Variants in ELP1 observed in about 807,000 individuals in gnomAD.
The protein encoded by ELP1 is elongator acetyltransferase complex subunit 1.
In ELP1, 131 loss-of-function variants were observed where a neutral mutation model predicts 183.2. That is an observed-to-expected ratio of 0.72 (90% CI 0.62 to 0.83). ELP1 has a LOEUF of 0.83. Ranked by LOEUF, ELP1 falls within the 40% of genes least tolerant of loss-of-function variation. ELP1 has a pLI of 0.00. For synonymous variants in ELP1, 555 were observed against 569.0 expected (o/e 0.98, Z 0.35); for missense variants, 1,550 against 1,594.9 (o/e 0.97, Z 0.48).
intron 2 of ELP1, among the ~76,000 whole-genome samples, chr9:108,930,497 T>C (rs1403792984): frequency 6.6e-6 from 1 of 152,066 alleles, no homozygotes; most frequent in African/African-American, 2.4e-5. Context: ...AAGACCATCC[T>C]GGCTAACACG....
rs1289268098 is a variant in ELP1 at position 108,878,610 on chromosome 9, A to C, written c.3700+13T>G. 1.9e-6 allele frequency: 3 copies of C among 1,614,012 alleles called. No individual in the cohort carries two copies. The highest frequency in any genetic ancestry group is 2.5e-6 in the Non-Finnish European group (3 of 1,180,030). Reference sequence around the variant, plus strand: ...TTTGTGGTCAGGAATCATCATCAGGACTGAGAATATACCTTTCAGGTTTTC... The same window carrying C: ...TTTGTGGTCAGGAATCATCATCAGGCCTGAGAATATACCTTTCAGGTTTTC... On this transcript the variant is annotated intron_variant, in intron 34 of 36. Transcript: ENST00000374647.
intron 14 of ELP1, 72 bp from the exon 15 acceptor site, chr9:108,903,741 G>T: frequency 9.1e-7 from 1 of 1,098,920 alleles, no homozygotes; most frequent in Non-Finnish European, 1.4e-6. Flanking sequence ...CACTGATTTT[G>T]AAAATCAACA....
Position 108,916,225 on chromosome 9 carries a change from T to G in ELP1, c.937A>C (p.Ser313Arg), listed in dbSNP as rs774610905. ...VWLEDLQREE[S>R]SIPKTCVQLW... ...TTACCACAGGTTTTCGGAATGGAGC[T>G]TTCTTCTCTCTGAAGGTCTTCCAGC... Residue 313 changes from serine (S) to arginine (R), a missense_variant, in exon 10 of 37, where the codon AGC becomes CGC. Transcript: ENST00000374647. 6.2e-7 allele frequency: 1 copy of G among 1,614,084 alleles called. No homozygotes were observed. The highest frequency in any genetic ancestry group is 1.1e-5 in the South Asian group (1 of 91,080).
chr9:108,912,773 GAC>G (rs1829280637), intron 10 of ELP1, among the ~76,000 whole-genome samples: 1 of 65,512 alleles, frequency 1.5e-5, no homozygotes, highest in Non-Finnish European at 2.9e-5. Flanking sequence ...TTTTTTTATT[GAC>G]ACAGAGTCTC....
At chr9:108,889,446 T>G (rs1828242614) in intron 28 of ELP1, 53 bp from the exon 29 acceptor site, 1 of 1,492,216 alleles carries the variant, frequency 6.7e-7, no homozygotes, top group Non-Finnish European at 9.4e-7. Flanking sequence ...ATACTTTAGC[T>G]CAAGTGCTTC....
intron 36 of ELP1, 44 bp from the exon 37 acceptor site, chr9:108,869,226 G>T: frequency 6.5e-7 from 1 of 1,535,792 alleles, no homozygotes; most frequent in Non-Finnish European, 9.0e-7. Flanking sequence ...ACATACTCTT[G>T]TTGGAGGGCG....
intron 12 of ELP1, 35 bp downstream of exon 12, chr9:108,910,975 A>G: frequency 6.2e-7 from 1 of 1,602,130 alleles, no homozygotes; most frequent in Non-Finnish European, 8.6e-7. Context: ...AAGGGACTTG[A>G]TTCAGAACAT....
chr9:108,903,577 AATATC>A lies in ELP1; in HGVS notation c.1731_1735del (p.Gln577HisfsTer2). 6 of 1,611,898 alleles carry A rather than the reference AATATC, an allele frequency of 3.7e-6. No individual in the cohort carries two copies. Among genetic ancestry groups the A allele is most frequent in the Non-Finnish European group, 5.1e-6 (6 of 1,178,068 alleles). On this transcript the variant is annotated frameshift_variant, in exon 15 of 37. Transcript: ENST00000374647. LOFTEE classifies it high-confidence loss of function. ...TTGATACTCACCCCAAAGGTACTTA[AATATC>A]TGGCCATCAGCCAGCTGTAATACTA... is the stretch of plus-strand genomic sequence containing the variant.
rs1254678537 is a variant in ELP1, at chr9:108,891,375, C to T, written c.2988G>A (p.Leu996=). 2 of 1,613,886 alleles carry T rather than the reference C, an allele frequency of 1.2e-6. No homozygotes were observed. The highest frequency in any genetic ancestry group is 1.7e-6 in the Non-Finnish European group (2 of 1,180,014). The stretch of plus-strand genomic sequence containing the variant: ...CTGGCTCATACATGTGCTCCTGCAT[C>T]AGGTGCTCCCCATAAGCAATGCTGA... ...QDISIAYGEH[L]MQEHMYEPAG... The change falls in exon 28 of 37, where the codon CTG becomes CTA. Residue 996 remains leucine, a synonymous_variant. Coordinates refer to ENST00000374647, the MANE Select transcript of ELP1 (RefSeq NM_003640.5).
chr9:108,909,922 T>C (rs1419872370), intron 12 of ELP1, among the ~76,000 whole-genome samples: 1 of 152,186 alleles, frequency 6.6e-6, no homozygotes, highest in Non-Finnish European at 1.5e-5. Context: ...GCTGTACAAC[T>C]CTGTGAATAT....
In ELP1 at chr9:108,881,688, TA is replaced by T; in HGVS notation, c.3346+16del. The T allele has an allele frequency of 6.6e-7, 1 of 1,515,612 alleles. No individual in the cohort carries two copies. Among genetic ancestry groups the T allele is most frequent in the Non-Finnish European group, 9.2e-7 (1 of 1,090,698 alleles). 93.9% of individuals were successfully genotyped at this position (1,515,612 alleles called of 1,614,324 possible). The stretch of plus-strand genomic sequence containing the variant: ...CTTCTTCCAAATGAGGAATTCTATC[TA>T]AAATGGAACCCTCACCTTCTAAAAT... On this transcript the variant is annotated intron_variant, in intron 31 of 36. Transcript: ENST00000374647.
chr9:108,869,324 C>A, intron 36 of ELP1, 142 bp from the exon 37 acceptor site: 1 of 754,178 alleles, frequency 1.3e-6, no homozygotes, highest in South Asian at 1.4e-5. Flanking sequence ...GTGTCTGCTA[C>A]CCCTGCAACC....
intron 15 of ELP1, 114 bp downstream of exon 15, chr9:108,903,449 G>C: frequency 1.3e-6 from 1 of 774,790 alleles, no homozygotes; most frequent in Non-Finnish European, 2.3e-6. Flanking sequence ...GGTTTTCCAG[G>C]GTAGTTAAAA....
chr9:108,900,424 C>CT (rs1443441587), intron 18 of ELP1, 49 bp from the exon 19 acceptor site: 1 of 1,274,812 alleles, frequency 7.8e-7, no homozygotes, highest in Admixed American at 1.7e-5. Context: ...ACAAGCCACT[C>CT]TCCATTAACT....
chr9:108,921,752 T>C (rs1002664041), intron 6 of ELP1, among the ~76,000 whole-genome samples: 1 of 152,232 alleles, frequency 6.6e-6, no homozygotes, highest in Non-Finnish European at 1.5e-5. Flanking sequence ...GTCAATAGCT[T>C]TCAGAATGTT....
At chr9:108,931,494 G>T (rs1830002297) in intron 1 of ELP1, among the ~76,000 whole-genome samples, 1 of 152,110 alleles carries the variant, frequency 6.6e-6, no homozygotes, top group Non-Finnish European at 1.5e-5. Flanking sequence ...TTATTCCTTT[G>T]GGAAAGTTGA....
In ELP1 at chr9:108,919,713, G is replaced by A. The variant is rs1275630568; in HGVS notation, c.553-364C>T. Among the ~76,000 whole-genome samples, 5 of 152,104 alleles carry A rather than the reference G, an allele frequency of 3.3e-5. No individual in the cohort carries two copies. In the South Asian group the frequency reaches 8.3e-4, roughly 25 times the overall value. On this transcript the variant is annotated intron_variant, in intron 6 of 36. Coordinates refer to ENST00000374647, the MANE Select transcript of ELP1 (RefSeq NM_003640.5). ...CATTTGTCCAACAGGGTAGAGTTTT[G>A]TTTACATATTGTGTAAGCTTCACAA...
At chr9:108,910,515 T>C (rs1011834225) in intron 12 of ELP1, among the ~76,000 whole-genome samples, 11 of 152,142 alleles carry the variant, frequency 7.2e-5, no homozygotes, top group African/African-American at 1.9e-4. Context: ...CTGACAGCAA[T>C]GGGGCTGTGG....
intron 13 of ELP1, 75 bp downstream of exon 13, chr9:108,908,230 T>C: frequency 9.2e-7 from 1 of 1,083,308 alleles, no homozygotes; most frequent in Non-Finnish European, 1.4e-6. Flanking sequence ...CATAGAACTG[T>C]TATCAGATGG....
Sources: gnomAD v4.1 joint callset for allele counts (sites outside exome capture counted in the v4.1 genomes callset) on GRCh38, gnomAD v4.1.1 for gene constraint, MANE v1.5 for transcripts, NCBI Gene and HGNC (gene_info 2026-07-23, HGNC 2026-07-21) for gene names.